The following HIVEP3 variants were observed in gnomAD, a reference collection of about 807,000 sequenced individuals.
HIVEP3 encodes transcription factor HIVEP3.
Under a neutral mutation model 152.8 loss-of-function variants are expected in HIVEP3, and 49 were observed. That is an observed-to-expected ratio of 0.32 (90% confidence interval 0.26 to 0.41). The LOEUF is 0.41. Among genes scored for constraint, HIVEP3 ranks in the 10% least tolerant of loss-of-function variants. The pLI, the probability that HIVEP3 is intolerant of heterozygous loss-of-function variation, is 1.00. For missense variants in HIVEP3, 2,790 were observed against 3,103.3 expected, an observed-to-expected ratio of 0.90 and a Z score of 2.40; for synonymous variants, 1,269 against 1,289.0, an observed-to-expected ratio of 0.98 and a Z score of 0.33.
chr1:41,704,928 T>C (rs1646411855), intron 1 of HIVEP3, among the ~76,000 whole-genome samples: 1 of 152,258 alleles, frequency 6.6e-6, no homozygotes, highest in African/African-American at 2.4e-5. Context: ...TGGTGGGCAC[T>C]GGCTCCATAG....
intron 1 of HIVEP3, among the ~76,000 whole-genome samples, chr1:41,949,670 C>T (rs1364579797): frequency 6.6e-6 from 1 of 152,202 alleles, no homozygotes; most frequent in Non-Finnish European, 1.5e-5. Flanking sequence ...CTTAGGACCT[C>T]TAGCAGCTAT....
upstream of HIVEP3, among the ~76,000 whole-genome samples, chr1:41,919,588 G>A (rs926182939): frequency 1.3e-5 from 2 of 152,182 alleles, no homozygotes; most frequent in African/African-American, 4.8e-5. Flanking sequence ...GAGTCTTTAC[G>A]ATTCAGACTT....
intron 1 of HIVEP3, among the ~76,000 whole-genome samples, chr1:41,985,316 T>C (rs957867225): frequency 6.6e-6 from 1 of 152,232 alleles, no homozygotes; most frequent in African/African-American, 2.4e-5. Context: ...CTACTCTTAG[T>C]TCAGGCTGCT....
intron 5 of HIVEP3, among the ~76,000 whole-genome samples, chr1:41,552,440 T>G (rs1395655306): frequency 3.4e-5 from 5 of 147,218 alleles, no homozygotes; most frequent in African/African-American, 1.3e-4. Context: ...ATTGTTCAAT[T>G]CCCACCTATG....
chr1:41,954,496 G>A (rs1645128827), intron 1 of HIVEP3, among the ~76,000 whole-genome samples: 1 of 152,204 alleles, frequency 6.6e-6, no homozygotes, highest in South Asian at 2.1e-4. Flanking sequence ...CTTGGCACAG[G>A]CCAGGTGGTT....
chr1:41,545,027 C>T (rs1226585463), intron 5 of HIVEP3, among the ~76,000 whole-genome samples: 2 of 112,554 alleles, frequency 1.8e-5, no homozygotes, highest in Admixed American at 8.2e-5. Flanking sequence ...CTACCACCAC[C>T]ACCACCACCA....
At chr1:41,955,372 A>C (rs1454356498) in intron 1 of HIVEP3, among the ~76,000 whole-genome samples, 1 of 152,164 alleles carries the variant, frequency 6.6e-6, no homozygotes, top group African/African-American at 2.4e-5. Context: ...ACAAGTGAAG[A>C]CTGGAATTCT....
rs530252340 is a variant in HIVEP3 at position 41,983,897 on chromosome 1, A to C, written n.119+51910T>G. On this transcript the variant is annotated intron_variant and non_coding_transcript_variant, in intron 1 of 3. Coordinates refer to the HIVEP3 transcript ENST00000489103. ...GGATGTAACAAACATACAGCCTCTC[A>C]TGTACAAAAGGGAGAATTCAAGTGA... Among the ~76,000 whole-genome samples the C allele has an allele frequency of 7.2e-5, 11 of 152,344 alleles. No homozygotes were observed. In the South Asian group the frequency reaches 2.3e-3, roughly 32 times the overall value.
At chr1:41,564,272 C>T (rs1347311387) in intron 5 of HIVEP3, among the ~76,000 whole-genome samples, 1 of 152,014 alleles carries the variant, frequency 6.6e-6, no homozygotes, top group African/African-American at 2.4e-5. Context: ...TCAGAGAATC[C>T]AGCAAAAAGG....
chr1:41,534,061 T>C (rs575585132), intron 5 of HIVEP3, among the ~76,000 whole-genome samples: 8 of 152,256 alleles, frequency 5.3e-5, no homozygotes, highest in Non-Finnish European at 1.2e-4. Context: ...CAACCATCAA[T>C]GCTACATGCA....
At chr1:41,610,797 T>C (rs1644886095) in intron 3 of HIVEP3, among the ~76,000 whole-genome samples, 1 of 152,176 alleles carries the variant, frequency 6.6e-6, no homozygotes, top group Admixed American at 6.5e-5. Context: ...AGATCTTCCT[T>C]TTTTGACAAC....
chr1:41,909,740 G>A (rs1376865736), intron 1 of HIVEP3, among the ~76,000 whole-genome samples: 1 of 151,922 alleles, frequency 6.6e-6, no homozygotes, highest in Non-Finnish European at 1.5e-5. Context: ...TAAAAGGCTG[G>A]GTAGCACTCA....
chr1:42,011,892 C>T (rs1224501511), intron 1 of HIVEP3, among the ~76,000 whole-genome samples: 1 of 152,192 alleles, frequency 6.6e-6, no homozygotes, highest in Non-Finnish European at 1.5e-5. Flanking sequence ...ACATGCTACC[C>T]TGCCCTTTTG....
chr1:41,988,950 G>A (rs1285394802), intron 1 of HIVEP3, among the ~76,000 whole-genome samples: 1 of 152,138 alleles, frequency 6.6e-6, no homozygotes, highest in East Asian at 1.9e-4. Flanking sequence ...ATTATGTTAA[G>A]CTAAATAAGC....
chr1:41,676,418 A>G (rs1330226202), intron 2 of HIVEP3, among the ~76,000 whole-genome samples: 3 of 152,080 alleles, frequency 2.0e-5, no homozygotes, highest in African/African-American at 4.8e-5. Context: ...TTTCCTCCCC[A>G]TGCAGGAGAA....
intron 1 of HIVEP3, among the ~76,000 whole-genome samples, chr1:41,884,460 T>G (rs1644312234): frequency 6.6e-6 from 1 of 152,146 alleles, no homozygotes; most frequent in South Asian, 2.1e-4. Flanking sequence ...ATCCCGGGAT[T>G]GCAGGCAAGT....
rs547299045 is a variant in HIVEP3 at position 41,946,026 on chromosome 1, G to A, written n.120-27502C>T. Among the ~76,000 whole-genome samples the A allele has an allele frequency of 1.5e-3, 228 of 152,112 alleles. 1 individual carries two copies. Among genetic ancestry groups the A allele is most frequent in the Admixed American group, 2.4e-3 (37 of 15,286 alleles). ...GAGAAGCAGGCGGAACGGGACAAAC[G>A]GGATTAAAAAAAGGCCACCGCTTTA... On this transcript the variant is annotated intron_variant and non_coding_transcript_variant, in intron 1 of 3. Coordinates refer to the HIVEP3 transcript ENST00000489103.
At chr1:41,942,040 G>A (rs868802250) in intron 1 of HIVEP3, among the ~76,000 whole-genome samples, 29 of 152,220 alleles carry the variant, frequency 1.9e-4, no homozygotes, top group Middle Eastern at 6.8e-3. Flanking sequence ...AATAGAAAAA[G>A]GGAGGAAGGA....
rs546859289 is a variant in HIVEP3, at chr1:41,553,336, G to A, written c.5207+22208C>T. Among the ~76,000 whole-genome samples, 83 of 151,304 alleles carry A rather than the reference G, an allele frequency of 5.5e-4. 1 individual carries two copies. Among genetic ancestry groups the A allele is most frequent in the Admixed American group, 3.4e-3 (52 of 15,206 alleles). ...GGATTGCAACCCCTGCTTTTTTTTC[G>A]CTTTCCATTTACTTGGTAGATCTTC... On this transcript the variant is annotated intron_variant, in intron 5 of 8. Transcript: ENST00000372583.
Sources: gnomAD v4.1 joint callset for allele counts (sites outside exome capture counted in the v4.1 genomes callset) on GRCh38, gnomAD v4.1.1 for gene constraint, MANE v1.5 for transcripts, NCBI Gene and HGNC (gene_info 2026-07-23, HGNC 2026-07-21) for gene names.